Variants in SMARCA2 observed in about 807,000 individuals in gnomAD.
SMARCA2 encodes the protein SWI/SNF related BAF chromatin remodeling complex subunit ATPase 2, also known as SWI/SNF-related matrix-associated actin-dependent regulator of chromatin subfamily A member 2.
A neutral mutation model predicts 199.8 loss-of-function variants in SMARCA2; 61 were observed. The observed-to-expected ratio is 0.31, with a 90% CI of 0.25 to 0.38. SMARCA2 has a LOEUF of 0.38. Ranked by LOEUF, SMARCA2 falls within the 10% of genes least tolerant of loss-of-function variation. The probability of loss-of-function intolerance (pLI) is 1.00; values close to 1 mark genes in which losing one functional copy is unlikely to be tolerated. For missense variants in SMARCA2, 1,344 were observed against 2,012.2 expected (o/e 0.67, Z 6.35); for synonymous variants, 935 against 732.0 (o/e 1.28, Z -4.48).
chr9:2,045,980 G>T (rs1402504206), intron 4 of SMARCA2: 1 of 152,056 alleles, frequency 6.6e-6, no homozygotes, highest in African/African-American at 2.4e-5. Flanking sequence ...TTTCTAATTG[G>T]TGATTGTTGG....
At chr9:2,060,122 A>C (rs1820521415) in intron 8 of SMARCA2, among the ~76,000 whole-genome samples, 1 of 92,628 alleles carries the variant, frequency 1.1e-5, no homozygotes, top group African/African-American at 6.9e-5. Context: ...TGTGGCCAAA[A>C]AAAAAAAAAA....
intron 27 of SMARCA2, chr9:2,159,033 T>A (rs1825526362): frequency 1.3e-6 from 2 of 1,598,500 alleles, no homozygotes; most frequent in Non-Finnish European, 1.7e-6. Context: ...AATAAGAATC[T>A]GCACGTATTA....
Position 2,054,710 on chromosome 9 carries a change from A to G in SMARCA2, c.1160A>G (p.Asn387Ser), listed in dbSNP as rs779034923. The G allele has an allele frequency of 2.5e-6, 4 of 1,614,082 alleles. No homozygotes were observed. Among genetic ancestry groups the G allele is most frequent in the East Asian group, 2.2e-5 (1 of 44,878 alleles). ...TVELKALRLL[N>S]FQRQLRQEVV... ...GAACTAAAAGCACTTCGGTTACTCA[A>G]TTTCCAGCGTCAGGTAATACATTTT... Residue 387 changes from asparagine to serine, a missense_variant, in exon 6 of 34, where the codon AAT becomes AGT. By Grantham distance (46) the Asn-to-Ser change is conservative. Coordinates refer to ENST00000349721, the MANE Select transcript of SMARCA2 (RefSeq NM_003070.5).
chr9:2,067,090 C>G (rs1375220186), intron 9 of SMARCA2, among the ~76,000 whole-genome samples: 1 of 152,224 alleles, frequency 6.6e-6, no homozygotes, highest in Non-Finnish European at 1.5e-5. Flanking sequence ...CACCTGGCCT[C>G]TATCTCTTAG....
intron 27 of SMARCA2, among the ~76,000 whole-genome samples, chr9:2,142,589 A>G (rs929907643): frequency 6.6e-6 from 1 of 152,200 alleles, no homozygotes; most frequent in Admixed American, 6.5e-5. Flanking sequence ...GGCCTCCTAT[A>G]AATGTTATTT....
intron 3 of SMARCA2, 169 bp downstream of exon 3, chr9:2,033,250 G>T: frequency 1.6e-6 from 1 of 617,864 alleles, no homozygotes. Flanking sequence ...ACAACCTGAT[G>T]ATTTATATGG....
chr9:2,080,863 G>A (rs1215009524), intron 14 of SMARCA2, among the ~76,000 whole-genome samples: 1 of 152,088 alleles, frequency 6.6e-6, no homozygotes, highest in Non-Finnish European at 1.5e-5. Context: ...CTCATTCATT[G>A]TTTTCTCTTT....
In SMARCA2 at chr9:2,119,660, G is replaced by T; in HGVS notation, c.3762+125G>T. The T allele has an allele frequency of 1.6e-6, 1 of 643,314 alleles. No individual in the cohort carries two copies. Among genetic ancestry groups the T allele is most frequent in the South Asian group, 1.9e-5 (1 of 52,170 alleles). 39.9% of individuals were successfully genotyped at this position (643,314 alleles called of 1,614,324 possible). A position where few individuals can be genotyped will look rare whatever the true frequency, so the allele number is the denominator to read the frequency against. ...ACGTAAAGCCTATGCCTTTCCTTCA[G>T]TTCAGAGGCTGCAAACTGGCTGGAG... On this transcript the variant is annotated intron_variant, in intron 26 of 33. Coordinates refer to ENST00000349721, the MANE Select transcript of SMARCA2 (RefSeq NM_003070.5). This position sits in a 1 kb window ranked among gnomAD's most constrained non-coding sequence, Gnocchi z 4.6.
intron 24 of SMARCA2, among the ~76,000 whole-genome samples, chr9:2,113,606 T>C (rs996425503): frequency 3.9e-5 from 6 of 152,210 alleles, no homozygotes; most frequent in African/African-American, 1.2e-4. Flanking sequence ...TCTAGAAATA[T>C]TAGCTTTTGT....
In SMARCA2 at chr9:2,180,194, G is replaced by A. The variant is rs150339063; in HGVS notation, c.4254-1377G>A. On this transcript the variant is annotated intron_variant, in intron 29 of 33. Transcript: ENST00000349721. ...AATGCAGTCTTCTTAAACCTCTTGCGTTCACCCCTGATTTTCGTACTCATG... is the reference window on the plus strand; with the variant it reads ...AATGCAGTCTTCTTAAACCTCTTGCATTCACCCCTGATTTTCGTACTCATG... Among the ~76,000 whole-genome samples, 14 of 151,956 alleles carry A rather than the reference G, an allele frequency of 9.2e-5. No individual in the cohort carries two copies. In the East Asian group the frequency reaches 1.7e-3, roughly 19 times the overall value.
chr9:2,082,204 G>A (rs774576845), intron 15 of SMARCA2, among the ~76,000 whole-genome samples: 34 of 151,996 alleles, frequency 2.2e-4, no homozygotes, highest in Middle Eastern at 3.2e-3. Context: ...GCACGGGACC[G>A]AGTGATTTTA....
Position 2,033,004 on chromosome 9 carries a change from C to G in SMARCA2, c.278C>G (p.Ser93Cys). 2 of 1,613,882 alleles carry G rather than the reference C, an allele frequency of 1.2e-6. No individual in the cohort carries two copies. The highest frequency in any genetic ancestry group is 1.7e-6 in the Non-Finnish European group (2 of 1,179,744). ...ATTGTAGAAGACATCCATTGTGGATCCATGAAGGGCACTGGTATGCGACCA... is the reference window on the plus strand; with the variant it reads ...ATTGTAGAAGACATCCATTGTGGATGCATGAAGGGCACTGGTATGCGACCA... ...KGIVEDIHCG[S>C]MKGTGMRPPH... is the part of the protein sequence containing the mutation. The change falls in exon 3 of 34, where the codon TCC (serine) becomes TGC (cysteine). Residue 93 changes from serine to cysteine, a missense_variant. Physicochemically the swap from Ser to Cys is moderately radical, Grantham distance 112. Around this residue, in one of 18 missense-constraint regions of SMARCA2, gnomAD observed 275 missense variants for 247.5 expected, o/e 1.11. Transcript: ENST00000349721.
intron 19 of SMARCA2, among the ~76,000 whole-genome samples, chr9:2,094,694 C>G (rs977919770): frequency 2.0e-5 from 3 of 152,330 alleles, no homozygotes; most frequent in Admixed American, 6.5e-5. Flanking sequence ...CTCTGTGGTG[C>G]TCAGATTCCT....
At chr9:2,145,176 G>A (rs1824673093) in intron 27 of SMARCA2, among the ~76,000 whole-genome samples, 1 of 152,006 alleles carries the variant, frequency 6.6e-6, no homozygotes, top group South Asian at 2.1e-4. Flanking sequence ...GTGCATGTCT[G>A]TAGTCTCTCT....
chr9:2,099,238 G>C (rs3793491), intron 21 of SMARCA2, among the ~76,000 whole-genome samples: 16,504 of 152,148 alleles, frequency 0.11, 1,236 homozygotes, highest in East Asian at 0.37. Context: ...GTTGGGTTTA[G>C]AGGAGCTGGG....
At chr9:2,148,123 C>A (rs1482543832) in intron 27 of SMARCA2, among the ~76,000 whole-genome samples, 1 of 151,710 alleles carries the variant, frequency 6.6e-6, no homozygotes, top group Non-Finnish European at 1.5e-5. Flanking sequence ...AAGAAACTCA[C>A]CTTTTTGGAG....
At chr9:2,185,505 T>C (rs1827375960) in intron 31 of SMARCA2, among the ~76,000 whole-genome samples, 1 of 152,240 alleles carries the variant, frequency 6.6e-6, no homozygotes, top group Admixed American at 6.5e-5. Flanking sequence ...AAGACGCCTC[T>C]TGTGATTCTT....
intron 14 of SMARCA2, among the ~76,000 whole-genome samples, chr9:2,080,351 A>T (rs1821511323): frequency 6.6e-6 from 1 of 152,170 alleles, no homozygotes; most frequent in Non-Finnish European, 1.5e-5. Context: ...AATTTTTGTG[A>T]ATTTCTAGTC....
rs146190619 is a variant in SMARCA2, at chr9:2,066,877, A to G, written c.1693-3541A>G. Reference sequence around the variant, plus strand: ...ACTGTCCGAAGTCAGCTCAAACAGTAGACCAATCACAAACTCTTGGGTGTT... The same window carrying G: ...ACTGTCCGAAGTCAGCTCAAACAGTGGACCAATCACAAACTCTTGGGTGTT... On this transcript the variant is annotated intron_variant, in intron 9 of 33. Transcript: ENST00000349721. 2.4e-4 allele frequency among the ~76,000 whole-genome samples: 36 copies of G among 152,374 alleles called. No homozygotes were observed. The East Asian group carries it at 6.5e-3, about 28-fold the overall frequency.
Sources: allele counts gnomAD v4.1 joint callset (sites outside exome capture counted in the v4.1 genomes callset), GRCh38; gene constraint gnomAD v4.1.1; regional missense constraint gnomAD v4.1.1; non-coding constraint Gnocchi (gnomAD v3.1); transcripts MANE v1.5; gene names NCBI Gene and HGNC (gene_info 2026-07-23, HGNC 2026-07-21).